The following CNTN5 variants were observed in gnomAD, a reference collection of about 807,000 sequenced individuals.
CNTN5 encodes contactin-5.
In CNTN5, 77 loss-of-function variants were observed where a neutral mutation model predicts 129.1. The observed-to-expected ratio is 0.60, with a 90% CI of 0.50 to 0.72. The LOEUF (loss-of-function observed/expected upper bound fraction) is 0.72. Among genes scored for constraint, CNTN5 ranks in the 30% least tolerant of loss-of-function variants. The pLI, the probability that CNTN5 is intolerant of heterozygous loss-of-function variation, is 0.00. For synonymous variants in CNTN5, 509 were observed against 465.6 expected (o/e 1.09, Z -1.20); for missense variants, 1,478 against 1,328.8 (o/e 1.11, Z -1.75).
intron 3 of CNTN5, among the ~76,000 whole-genome samples, chr11:99,610,306 G>A (rs1470134615): frequency 6.6e-6 from 1 of 152,130 alleles, no homozygotes; most frequent in Admixed American, 6.5e-5. Flanking sequence ...GCCTATTTGA[G>A]TCTGGCCCTG....
At chr11:100,070,619 C>T (rs973036763) in intron 11 of CNTN5, 59 bp downstream of exon 11, 5 of 1,528,224 alleles carry the variant, frequency 3.3e-6, no homozygotes, top group Non-Finnish European at 1.8e-6. Context: ...TCACACAGGA[C>T]AAACTAGGCT....
At chr11:99,066,809 A>T (rs1053330821) in intron 1 of CNTN5, among the ~76,000 whole-genome samples, 1 of 152,140 alleles carries the variant, frequency 6.6e-6, no homozygotes, top group Non-Finnish European at 1.5e-5. Context: ...TACTGAGCAC[A>T]GCAGGAATAC....
chr11:99,627,773 A>G (rs1175950512), intron 3 of CNTN5, among the ~76,000 whole-genome samples: 2 of 151,854 alleles, frequency 1.3e-5, no homozygotes, highest in African/African-American at 4.8e-5. Context: ...TTGAAAGGAC[A>G]AGATCTGAAA....
chr11:99,533,906 A>G (rs1265895238), intron 2 of CNTN5, among the ~76,000 whole-genome samples: 1 of 152,136 alleles, frequency 6.6e-6, no homozygotes, highest in Non-Finnish European at 1.5e-5. Context: ...ACTCATAGAG[A>G]AAATTCCGTG....
chr11:99,473,560 T>C (rs1373496094), intron 2 of CNTN5, among the ~76,000 whole-genome samples: 1 of 152,052 alleles, frequency 6.6e-6, no homozygotes, highest in Non-Finnish European at 1.5e-5. Context: ...GTGATTTTTT[T>C]TTTCCTGCGA....
intron 13 of CNTN5, among the ~76,000 whole-genome samples, chr11:100,134,940 C>A (rs1025875833): frequency 6.6e-6 from 1 of 152,042 alleles, no homozygotes; most frequent in South Asian, 2.1e-4. Context: ...ATTAACTCAT[C>A]TTTTTATACT....
At chr11:99,959,497 A>C (rs879344836) in intron 8 of CNTN5, among the ~76,000 whole-genome samples, 1 of 152,256 alleles carries the variant, frequency 6.6e-6, no homozygotes, top group African/African-American at 2.4e-5. Context: ...CAATTCCTCC[A>C]TCCTGTACTA....
rs1947546723 is a variant in CNTN5 at position 99,842,604 on chromosome 11, T to C, written c.278-2248T>C. 2.0e-5 allele frequency among the ~76,000 whole-genome samples: 3 copies of C among 152,210 alleles called. No individual in the cohort carries two copies. In the South Asian group the frequency reaches 6.2e-4, roughly 32 times the overall value. Reference sequence around the variant, plus strand: ...TAACACTTATTATATGTGAATTTTATGCAGCATAGCTATTTTTAATGTTTA... The same window carrying C: ...TAACACTTATTATATGTGAATTTTACGCAGCATAGCTATTTTTAATGTTTA... On this transcript the variant is annotated intron_variant, in intron 4 of 24. Transcript: ENST00000524871.
intron 4 of CNTN5, among the ~76,000 whole-genome samples, chr11:99,838,243 T>G (rs1394692116): frequency 6.6e-6 from 1 of 152,180 alleles, no homozygotes; most frequent in East Asian, 1.9e-4. Flanking sequence ...CCCACAGATA[T>G]TTTTGGAAAT....
intron 1 of CNTN5, among the ~76,000 whole-genome samples, chr11:99,106,778 C>CA (rs1867017488): frequency 6.6e-6 from 1 of 151,958 alleles, no homozygotes; most frequent in Non-Finnish European, 1.5e-5. Context: ...ACTTTTTCTT[C>CA]ATAACTTAAA....
intron 13 of CNTN5, among the ~76,000 whole-genome samples, chr11:100,090,525 C>CCCTTCCTCCCTCCCTCCATCCCTCCCTT (rs1944731985): frequency 1.5e-5 from 1 of 68,504 alleles, no homozygotes; most frequent in African/African-American, 9.2e-5. Flanking sequence ...CTCCCTCCCT[C>CCCTTCCTCCCTCCCTCCATCCCTCCCTT]CCTTCCTTCC....
chr11:100,175,594 A>T lies in CNTN5; in HGVS notation c.1581-15532A>T, dbSNP rs140017357. On this transcript the variant is annotated intron_variant, in intron 13 of 24. Transcript: ENST00000524871. ...CCTTTATGAAGACAAAAAGTGAAGG[A>T]GGTTACGAATTAGTCAAGGAGACAC... Among the ~76,000 whole-genome samples the T allele has an allele frequency of 9.6e-3, 1,461 of 152,248 alleles. 22 individuals carry two copies. Among genetic ancestry groups the T allele is most frequent in the African/African-American group, 0.033 (1,353 of 41,562 alleles).
intron 2 of CNTN5, among the ~76,000 whole-genome samples, chr11:99,365,760 T>G (rs1222630955): frequency 6.6e-6 from 1 of 152,168 alleles, no homozygotes; most frequent in Non-Finnish European, 1.5e-5. Flanking sequence ...AACAGTCTCT[T>G]AGTAAACATT....
chr11:100,052,046 G>C (rs981217639), intron 9 of CNTN5, among the ~76,000 whole-genome samples: 1 of 151,764 alleles, frequency 6.6e-6, no homozygotes, highest in Non-Finnish European at 1.5e-5. Flanking sequence ...CAACCAACTT[G>C]GATTTATCTC....
At chr11:99,148,602 T>G (rs1342946927) in intron 1 of CNTN5, among the ~76,000 whole-genome samples, 1 of 152,190 alleles carries the variant, frequency 6.6e-6, no homozygotes, top group Admixed American at 6.5e-5. Context: ...GAAACTCAGC[T>G]GCTATGATTG....
chr11:99,918,331 C>T lies in CNTN5; in HGVS notation c.673+2182C>T, dbSNP rs1949846845. 2.0e-5 allele frequency among the ~76,000 whole-genome samples: 3 copies of T among 152,072 alleles called. No individual in the cohort carries two copies. In the South Asian group the frequency reaches 6.2e-4, roughly 32 times the overall value. On this transcript the variant is annotated intron_variant, in intron 7 of 24. Transcript: ENST00000524871. Reference sequence around the variant, plus strand: ...AGTTTAATATTACTGTTAAACAATCCCAAAAACCAAAGCACACATACAAAA... The same window carrying T: ...AGTTTAATATTACTGTTAAACAATCTCAAAAACCAAAGCACACATACAAAA...
chr11:99,628,611 GACACAC>G lies in CNTN5; in HGVS notation c.55+72378_55+72383del, dbSNP rs10607009. On this transcript the variant is annotated intron_variant, in intron 3 of 24. Coordinates refer to ENST00000524871, the MANE Select transcript of CNTN5 (RefSeq NM_014361.4). ...GCCAAGAAACAGAAAGCTAAATAAT[GACACAC>G]ACACACACACACACACACACACACA... is the stretch of plus-strand genomic sequence containing the variant. 7.0e-3 allele frequency among the ~76,000 whole-genome samples: 1,027 copies of G among 147,208 alleles called. 9 individuals are homozygous for G. The highest frequency in any genetic ancestry group is 0.028 in the East Asian group (141 of 4,966).
intron 2 of CNTN5, among the ~76,000 whole-genome samples, chr11:99,395,865 T>C (rs1431428021): frequency 6.6e-6 from 1 of 151,992 alleles, no homozygotes; most frequent in African/African-American, 2.4e-5. Context: ...ATGTTTGGCC[T>C]TATTTCTGGG....
intron 2 of CNTN5, among the ~76,000 whole-genome samples, chr11:99,366,900 G>A (rs1939479805): frequency 6.6e-6 from 1 of 152,180 alleles, no homozygotes; most frequent in African/African-American, 2.4e-5. Flanking sequence ...GTGACAAATA[G>A]CAGATTCGGT....
Sources: gnomAD v4.1 joint callset for allele counts (sites outside exome capture counted in the v4.1 genomes callset) on GRCh38, gnomAD v4.1.1 for gene constraint, MANE v1.5 for transcripts, NCBI Gene and HGNC (gene_info 2026-07-23, HGNC 2026-07-21) for gene names.